The following KCNH7 variants were observed in gnomAD, a reference collection of about 807,000 sequenced individuals.
KCNH7 encodes the protein potassium voltage-gated channel subfamily H member 7.
A neutral mutation model predicts 120.8 loss-of-function variants in KCNH7; 49 were observed. The observed-to-expected ratio is 0.41, with a 90% CI of 0.32 to 0.51. The LOEUF (loss-of-function observed/expected upper bound fraction) is 0.51. Ranked by LOEUF, KCNH7 falls within the 20% of genes least tolerant of loss-of-function variation. The probability of loss-of-function intolerance (pLI) is 0.38; values close to 1 mark genes in which losing one functional copy is unlikely to be tolerated. For missense variants in KCNH7, 1,097 were observed against 1,446.6 expected (o/e 0.76, Z 3.92); for synonymous variants, 547 against 516.1 (o/e 1.06, Z -0.81).
rs180979285 is a variant in KCNH7, at chr2:162,429,897, T to G, written c.1954+5301A>C. On this transcript the variant is annotated intron_variant, in intron 8 of 15. Coordinates refer to ENST00000332142, the MANE Select transcript of KCNH7 (RefSeq NM_033272.4). ...AACAGATTTTTTTTTTTGCTTGCCT[T>G]CATCATCTTTGTAAATTCTGGTCCC... Among the ~76,000 whole-genome samples the G allele has an allele frequency of 4.8e-3, 735 of 151,950 alleles. 8 individuals are homozygous for G. The highest frequency in any genetic ancestry group is 0.017 in the African/African-American group (714 of 41,516).
chr2:162,497,665 C>T (rs190856411), intron 6 of KCNH7, among the ~76,000 whole-genome samples: 2 of 152,286 alleles, frequency 1.3e-5, no homozygotes, highest in East Asian at 1.9e-4. Context: ...TTGAAGGCTA[C>T]GTCCATCATT....
At chr2:162,569,352 A>G (rs1200424390) in intron 2 of KCNH7, among the ~76,000 whole-genome samples, 1 of 151,362 alleles carries the variant, frequency 6.6e-6, no homozygotes, top group African/African-American at 2.4e-5. Context: ...GGTAGTTTGT[A>G]TTTCTGTGGG....
At chr2:162,728,375 T>C (rs1331433187) in intron 2 of KCNH7, among the ~76,000 whole-genome samples, 1 of 152,214 alleles carries the variant, frequency 6.6e-6, no homozygotes, top group Non-Finnish European at 1.5e-5. Flanking sequence ...ATTTTCTTTA[T>C]ATATTTTGGG....
intron 2 of KCNH7, among the ~76,000 whole-genome samples, chr2:162,580,427 GCT>G (rs1490222764): frequency 3.3e-5 from 5 of 152,106 alleles, no homozygotes; most frequent in South Asian, 2.1e-4. Flanking sequence ...TAAACATTGG[GCT>G]CACTATAAGA....
At chr2:162,620,184 G>C (rs1683300479) in intron 2 of KCNH7, among the ~76,000 whole-genome samples, 1 of 150,116 alleles carries the variant, frequency 6.7e-6, no homozygotes, top group African/African-American at 2.4e-5. Context: ...AGATATTTTT[G>C]TTATGTATCC....
At chr2:162,391,156 C>T (rs1233889387) in intron 12 of KCNH7, among the ~76,000 whole-genome samples, 1 of 151,986 alleles carries the variant, frequency 6.6e-6, no homozygotes, top group African/African-American at 2.4e-5. Context: ...GAATGCCTGC[C>T]TTCAAGGTTT....
In KCNH7 at chr2:162,602,918, TGAG is replaced by T. The variant is rs200331305; in HGVS notation, c.308-65841_308-65839del. On this transcript the variant is annotated intron_variant, in intron 2 of 15. Coordinates refer to ENST00000332142, the MANE Select transcript of KCNH7 (RefSeq NM_033272.4). ...GTGAGGAGGAGGAGGAGGAGGAGGG[TGAG>T]GAGGAGGAGGAGGTTGAGCTGGAGG... Among the ~76,000 whole-genome samples the T allele has an allele frequency of 6.8e-4, 97 of 142,690 alleles. No individual in the cohort carries two copies. The Middle Eastern group carries it at 0.018, about 27-fold the overall frequency. 93.6% of individuals were successfully genotyped at this position (142,690 alleles called of 152,430 possible). A position where few individuals can be genotyped will look rare whatever the true frequency, so the allele number is the denominator to read the frequency against.
At chr2:162,382,117 C>T (rs1048972482) in intron 13 of KCNH7, among the ~76,000 whole-genome samples, 1 of 152,010 alleles carries the variant, frequency 6.6e-6, no homozygotes, top group Admixed American at 6.6e-5. Flanking sequence ...TGTTTAACAG[C>T]TCTCTTCTTT....
intron 2 of KCNH7, among the ~76,000 whole-genome samples, chr2:162,665,812 G>A (rs1474261225): frequency 1.3e-5 from 2 of 152,094 alleles, no homozygotes; most frequent in African/African-American, 2.4e-5. Context: ...TATGCAGGGA[G>A]TCATCTTCGC....
rs1573911348 is a variant in KCNH7 at position 162,397,063 on chromosome 2, C to A, written c.2408-118G>T. The A allele has an allele frequency of 1.0e-5, 7 of 692,552 alleles. No homozygotes were observed. In the East Asian group the frequency reaches 1.6e-4, roughly 16 times the overall value. 42.9% of individuals were successfully genotyped at this position (692,552 alleles called of 1,614,324 possible). ...CAATCCCTGAACCAGACTTGGTGAGCAATGTTCCAGCACCTTAACTAAATG... is the reference window on the plus strand; with the variant it reads ...CAATCCCTGAACCAGACTTGGTGAGAAATGTTCCAGCACCTTAACTAAATG... On this transcript the variant is annotated intron_variant, in intron 10 of 15. Coordinates refer to ENST00000332142, the MANE Select transcript of KCNH7 (RefSeq NM_033272.4).
At chr2:162,440,111 A>C (rs1688375029) in intron 7 of KCNH7, among the ~76,000 whole-genome samples, 1 of 151,760 alleles carries the variant, frequency 6.6e-6, no homozygotes. Context: ...ATATTAAAAA[A>C]TTTTTGAAAA....
Position 162,470,651 on chromosome 2 carries a change from G to A in KCNH7, c.1129-24208C>T, listed in dbSNP as rs548996136. Among the ~76,000 whole-genome samples the A allele has an allele frequency of 7.3e-3, 1,097 of 149,784 alleles. 15 individuals carry two copies. Among genetic ancestry groups the A allele is most frequent in the African/African-American group, 0.025 (1,030 of 40,846 alleles). The stretch of plus-strand genomic sequence containing the variant: ...GGGTCAGCCCCCCGCCCGGCCAGCC[G>A]CCCCGTCCGGGAGGTGAGGGGCGCC... On this transcript the variant is annotated intron_variant, in intron 6 of 15. Coordinates refer to ENST00000332142, the MANE Select transcript of KCNH7 (RefSeq NM_033272.4).
chr2:162,767,343 A>G (rs1464296000), intron 2 of KCNH7, among the ~76,000 whole-genome samples: 3 of 152,122 alleles, frequency 2.0e-5, no homozygotes, highest in Admixed American at 2.0e-4. Flanking sequence ...CCCTTCATAG[A>G]AATTTTACCA....
At chr2:162,619,014 A>G (rs1683245030) in intron 2 of KCNH7, among the ~76,000 whole-genome samples, 1 of 152,140 alleles carries the variant, frequency 6.6e-6, no homozygotes, top group African/African-American at 2.4e-5. Flanking sequence ...AAAGAGGTGA[A>G]GTAAAAAAGT....
At chr2:162,611,714 C>A (rs1682972047) in intron 2 of KCNH7, among the ~76,000 whole-genome samples, 1 of 152,020 alleles carries the variant, frequency 6.6e-6, no homozygotes, top group Non-Finnish European at 1.5e-5. Context: ...TGAGTTAAAC[C>A]TGCAATTTTA....
chr2:162,459,821 C>T (rs912736220), intron 6 of KCNH7, among the ~76,000 whole-genome samples: 6 of 152,170 alleles, frequency 3.9e-5, no homozygotes, highest in East Asian at 3.9e-4. Flanking sequence ...AGAGGCCGGG[C>T]GCAGTGGCTC....
chr2:162,392,648 A>G (rs1686777934), intron 12 of KCNH7, among the ~76,000 whole-genome samples: 1 of 152,008 alleles, frequency 6.6e-6, no homozygotes, highest in Admixed American at 6.6e-5. Flanking sequence ...GGAACTTATG[A>G]TCTAGAGGCA....
At chr2:162,638,901 G>T (rs944133130) in intron 2 of KCNH7, among the ~76,000 whole-genome samples, 1 of 152,082 alleles carries the variant, frequency 6.6e-6, no homozygotes, top group Non-Finnish European at 1.5e-5. Context: ...ACATATTCAC[G>T]CACAGACATC....
intron 6 of KCNH7, among the ~76,000 whole-genome samples, chr2:162,458,109 G>GTC (rs1689030371): frequency 6.7e-6 from 1 of 148,908 alleles, no homozygotes; most frequent in African/African-American, 2.5e-5. Flanking sequence ...ATGTGCGTGT[G>GTC]TGTGTGTGTG....
Sources: gnomAD v4.1 joint callset for allele counts (sites outside exome capture counted in the v4.1 genomes callset) on GRCh38, gnomAD v4.1.1 for gene constraint, MANE v1.5 for transcripts, NCBI Gene and HGNC (gene_info 2026-07-23, HGNC 2026-07-21) for gene names.